The following SLC44A5 variants were observed in gnomAD, a reference collection of about 807,000 sequenced individuals.
The protein encoded by SLC44A5 is solute carrier family 44 member 5, also known as choline transporter-like protein 5.
In SLC44A5, 57 loss-of-function variants were observed where a neutral mutation model predicts 101.8. The ratio of observed to expected loss-of-function variants is 0.56; its 90% CI spans 0.45 to 0.70. The LOEUF (loss-of-function observed/expected upper bound fraction) is 0.70. Among genes scored for constraint, SLC44A5 ranks in the 30% least tolerant of loss-of-function variants. The probability of loss-of-function intolerance (pLI) is 0.00; values close to 1 mark genes in which losing one functional copy is unlikely to be tolerated. For missense variants in SLC44A5, 737 were observed against 853.1 expected, an observed-to-expected ratio of 0.86 and a Z score of 1.70; for synonymous variants, 281 against 290.9, an observed-to-expected ratio of 0.97 and a Z score of 0.35.
At chr1:75,712,161 G>A in the SLC44A5 span, among the ~76,000 whole-genome samples, 3 of 152,216 alleles carry the variant, frequency 2.0e-5, no homozygotes, top group Non-Finnish European at 4.4e-5. Context: ...CTGGAAGAAT[G>A]TACACTACAT....
chr1:75,389,657 A>G (rs1661651531), intron 3 of SLC44A5, among the ~76,000 whole-genome samples: 1 of 152,174 alleles, frequency 6.6e-6, no homozygotes, highest in South Asian at 2.1e-4. Context: ...GGGATGCAGC[A>G]AAAGCAGTGT....
intron 17 of SLC44A5, 22 bp downstream of exon 17, chr1:75,218,468 T>C (rs774748209): frequency 6.2e-7 from 1 of 1,612,826 alleles, no homozygotes; most frequent in East Asian, 2.2e-5. Context: ...AAGATAGGTG[T>C]AGGCTTCAAC....
chr1:75,578,307 T>A (rs1017050076), intron 1 of SLC44A5, among the ~76,000 whole-genome samples: 14 of 152,100 alleles, frequency 9.2e-5, no homozygotes, highest in Non-Finnish European at 1.5e-5. Flanking sequence ...GCTCTGTGAT[T>A]AATAACTGAA....
intron 2 of SLC44A5, among the ~76,000 whole-genome samples, chr1:75,432,704 G>A (rs2101600466): frequency 6.6e-6 from 1 of 152,066 alleles, no homozygotes; most frequent in South Asian, 2.1e-4. Flanking sequence ...TGGAGTCTTA[G>A]TACTGTAGCT....
chr1:75,294,632 GTGTA>G (rs1653817717), intron 5 of SLC44A5, among the ~76,000 whole-genome samples: 4 of 152,074 alleles, frequency 2.6e-5, no homozygotes, highest in African/African-American at 9.7e-5. Flanking sequence ...ATGTGTGCTT[GTGTA>G]TGTGTGTGTG....
intron 1 of SLC44A5, among the ~76,000 whole-genome samples, chr1:75,602,588 T>A (rs1243769163): frequency 6.6e-6 from 1 of 152,072 alleles, no homozygotes; most frequent in African/African-American, 2.4e-5. Flanking sequence ...TAGTCACCAA[T>A]ACTCTTTCAG....
the SLC44A5 span, among the ~76,000 whole-genome samples, chr1:75,676,721 C>G: frequency 3.9e-5 from 6 of 152,168 alleles, no homozygotes; most frequent in East Asian, 7.7e-4. Flanking sequence ...GGTATAGTAA[C>G]AAAACTTCCA....
chr1:75,569,845 T>C (rs1168891524), intron 1 of SLC44A5, among the ~76,000 whole-genome samples: 1 of 152,208 alleles, frequency 6.6e-6, no homozygotes, highest in Non-Finnish European at 1.5e-5. Context: ...ATAAGGATTC[T>C]ATACCACAAG....
At chr1:75,581,933 G>C (rs572084741) in intron 1 of SLC44A5, among the ~76,000 whole-genome samples, 1 of 152,306 alleles carries the variant, frequency 6.6e-6, no homozygotes. Context: ...CATGCTTCTT[G>C]TACAGCCTGC....
intron 12 of SLC44A5, among the ~76,000 whole-genome samples, chr1:75,229,026 T>A (rs529322590): frequency 1.3e-5 from 2 of 151,914 alleles, no homozygotes; most frequent in Non-Finnish European, 2.9e-5. Context: ...TCACTATGTT[T>A]TCTTTTTTTT....
intron 1 of SLC44A5, among the ~76,000 whole-genome samples, chr1:75,569,105 C>T (rs1189834707): frequency 6.6e-6 from 1 of 152,120 alleles, no homozygotes; most frequent in Non-Finnish European, 1.5e-5. Flanking sequence ...GAACGTCCAG[C>T]CCCATCACTT....
chr1:75,480,792 T>C (rs931697558), intron 2 of SLC44A5, among the ~76,000 whole-genome samples: 1 of 152,148 alleles, frequency 6.6e-6, no homozygotes, highest in Non-Finnish European at 1.5e-5. Context: ...TGCTCATTGG[T>C]AGAAAGAATC....
At chr1:75,369,015 CATT>C (rs1275583926) in intron 3 of SLC44A5, among the ~76,000 whole-genome samples, 67 of 150,992 alleles carry the variant, frequency 4.4e-4, no homozygotes, top group East Asian at 1.4e-3. Context: ...CTCTTTCTCA[CATT>C]TTTTTTTTTT....
chr1:75,241,291 A>G (rs191529111), intron 9 of SLC44A5, among the ~76,000 whole-genome samples: 1 of 151,912 alleles, frequency 6.6e-6, no homozygotes, highest in Non-Finnish European at 1.5e-5. Context: ...TGGTACAATC[A>G]TAGCTAACTA....
chr1:75,446,064 C>G (rs1665557320), intron 2 of SLC44A5, among the ~76,000 whole-genome samples: 1 of 152,108 alleles, frequency 6.6e-6, no homozygotes, highest in South Asian at 2.1e-4. Context: ...TCTAAGCTAC[C>G]AGCATCTCTT....
intron 2 of SLC44A5, among the ~76,000 whole-genome samples, chr1:75,502,914 T>A (rs1669045888): frequency 6.6e-6 from 1 of 152,140 alleles, no homozygotes; most frequent in Non-Finnish European, 1.5e-5. Flanking sequence ...AGCAATTTGC[T>A]CTGCCATGCC....
chr1:75,514,863 CT>C (rs1669743523), intron 2 of SLC44A5, among the ~76,000 whole-genome samples: 7 of 152,256 alleles, frequency 4.6e-5, no homozygotes, highest in African/African-American at 1.7e-4. Flanking sequence ...TTTATCTTCT[CT>C]GAGTATCTGT....
At chr1:75,601,378 G>A (rs560087068) in intron 1 of SLC44A5, among the ~76,000 whole-genome samples, 5 of 149,706 alleles carry the variant, frequency 3.3e-5, no homozygotes, top group East Asian at 4.0e-4. Flanking sequence ...CTTGTCGGGG[G>A]CTGGGGGGCT....
chr1:75,450,137 C>T (rs1665821488), intron 2 of SLC44A5, among the ~76,000 whole-genome samples: 1 of 152,120 alleles, frequency 6.6e-6, no homozygotes, highest in Admixed American at 6.5e-5. Context: ...AGCAAACTTC[C>T]CCCGTGACAC....
Sources: allele counts gnomAD v4.1 joint callset (sites outside exome capture counted in the v4.1 genomes callset), GRCh38; gene constraint gnomAD v4.1.1; transcripts MANE v1.5; gene names NCBI Gene and HGNC (gene_info 2026-07-23, HGNC 2026-07-21).